PLS1: variants seen among roughly 807,000 people sequenced by gnomAD.
PLS1 encodes the protein plastin-1.
In PLS1, 32 loss-of-function variants were observed where a neutral mutation model predicts 73.7. That is an observed-to-expected ratio of 0.43 (90% CI 0.33 to 0.58). The LOEUF is 0.58. Among genes scored for constraint, PLS1 ranks in the 20% least tolerant of loss-of-function variants. The pLI is 0.04. For missense variants in PLS1, 633 were observed against 740.5 expected (o/e 0.85, Z 1.68); for synonymous variants, 217 against 261.3 (o/e 0.83, Z 1.63).
At chr3:142,701,184 T>A (rs2038324898) in intron 12 of PLS1, among the ~76,000 whole-genome samples, 1 of 152,244 alleles carries the variant, frequency 6.6e-6, no homozygotes, top group South Asian at 2.1e-4. Context: ...GTTCTTCATC[T>A]TTTAGCCTGA....
chr3:142,627,616 G>A (rs977772111), intron 1 of PLS1, among the ~76,000 whole-genome samples: 1 of 151,906 alleles, frequency 6.6e-6, no homozygotes, highest in African/African-American at 2.4e-5. Flanking sequence ...TGCTTTTTAT[G>A]AGGCACAGCT....
At chr3:142,695,938 GC>G (rs1196111926) in intron 11 of PLS1, among the ~76,000 whole-genome samples, 1 of 152,048 alleles carries the variant, frequency 6.6e-6, no homozygotes, top group Non-Finnish European at 1.5e-5. Context: ...GGGATTACAG[GC>G]ATGTGCCACC....
intron 10 of PLS1, among the ~76,000 whole-genome samples, chr3:142,692,355 A>G (rs2038101625): frequency 6.6e-6 from 1 of 152,120 alleles, no homozygotes; most frequent in African/African-American, 2.4e-5. Flanking sequence ...TTGAAATTGT[A>G]TATCAGATCT....
At chr3:142,688,605 T>A (rs2107905936) in intron 9 of PLS1, among the ~76,000 whole-genome samples, 1 of 152,318 alleles carries the variant, frequency 6.6e-6, no homozygotes, top group South Asian at 2.1e-4. Context: ...TTGTTCTGCT[T>A]TTCTTTTTAT....
At chr3:142,648,451 G>C (rs1351422575) in intron 1 of PLS1, among the ~76,000 whole-genome samples, 1 of 152,164 alleles carries the variant, frequency 6.6e-6, no homozygotes, top group Non-Finnish European at 1.5e-5. Flanking sequence ...AACTAAAAAA[G>C]ACGAGAAAAT....
chr3:142,669,514 C>T lies in PLS1; in HGVS notation c.195C>T (p.Ser65=). 6.2e-7 allele frequency: 1 copy of T among 1,613,212 alleles called. No homozygotes were observed. Among genetic ancestry groups the T allele is most frequent in the Non-Finnish European group, 8.5e-7 (1 of 1,179,496 alleles). Residue 65 remains serine, a synonymous_variant, in exon 3 of 16, where the codon AGC becomes AGT. Transcript: ENST00000457734. ...IVEKILSVAD[S]NKDGKISFEE... ...AGAAAATTCTATCAGTTGCTGACAG[C>T]AACAAAGATGGCAAAATCAGTTTTG...
intron 10 of PLS1, among the ~76,000 whole-genome samples, chr3:142,693,325 T>C (rs1375709633): frequency 6.6e-6 from 1 of 152,130 alleles, no homozygotes; most frequent in Non-Finnish European, 1.5e-5. Context: ...GGTGTGCAGG[T>C]TTATACTGTC....
rs1577879473 is a variant in PLS1 at position 142,678,070 on chromosome 3, A to C, written c.536A>C (p.Glu179Ala). 1.9e-6 allele frequency: 3 copies of C among 1,555,954 alleles called. No individual in the cohort carries two copies. In the East Asian group the frequency reaches 7.2e-5, roughly 37 times the overall value. ...INLSEPDTID[E>A]RAINKKKLTP... ...TTATCTGAACCAGATACAATTGATG[A>C]AAGAGCCATCAATAAGAAAAAGCTC... is the stretch of plus-strand genomic sequence containing the variant. Residue 179 changes from glutamate to alanine, a missense_variant, in exon 6 of 16, where the codon GAA becomes GCA. Physicochemically the swap from Glu to Ala is moderately radical, Grantham distance 107. Coordinates refer to ENST00000457734, the MANE Select transcript of PLS1 (RefSeq NM_001145319.2).
intron 3 of PLS1, among the ~76,000 whole-genome samples, chr3:142,670,125 A>C (rs2037573884): frequency 6.6e-6 from 1 of 152,232 alleles, no homozygotes; most frequent in Non-Finnish European, 1.5e-5. Flanking sequence ...GCAAGGCTGG[A>C]TAACCCAGGG....
At chr3:142,609,165 A>C (rs1007845810) in intron 1 of PLS1, among the ~76,000 whole-genome samples, 11 of 152,226 alleles carry the variant, frequency 7.2e-5, no homozygotes, top group African/African-American at 2.7e-4. Context: ...ATCACAGATT[A>C]ATACAAAGTT....
At chr3:142,677,977 A>G (rs1015153932) in intron 5 of PLS1, 55 bp from the exon 6 acceptor site, 34 of 819,626 alleles carry the variant, frequency 4.1e-5, no homozygotes, top group East Asian at 5.8e-5. Flanking sequence ...TTGCAATAAT[A>G]AACTAAAAAA....
At chr3:142,650,864 G>A (rs1577838678) in intron 1 of PLS1, among the ~76,000 whole-genome samples, 2 of 152,284 alleles carry the variant, frequency 1.3e-5, no homozygotes, top group African/African-American at 4.8e-5. Context: ...GTAGGGGACA[G>A]TAGATGGGAT....
intron 1 of PLS1, among the ~76,000 whole-genome samples, chr3:142,606,001 A>G (rs1489412711): frequency 6.6e-6 from 1 of 152,228 alleles, no homozygotes. Flanking sequence ...CAAGGTTACT[A>G]TAAGCATTTC....
At chr3:142,629,543 C>G (rs373094091) in intron 1 of PLS1, among the ~76,000 whole-genome samples, 1 of 152,110 alleles carries the variant, frequency 6.6e-6, no homozygotes, top group Non-Finnish European at 1.5e-5. Context: ...ACATATTCAT[C>G]AGAATTCTGA....
intron 1 of PLS1, among the ~76,000 whole-genome samples, chr3:142,661,705 C>T (rs1489371753): frequency 2.6e-5 from 4 of 152,290 alleles, no homozygotes; most frequent in Admixed American, 2.6e-4. Context: ...AGCTTCAATT[C>T]CTATTGTTTT....
intron 2 of PLS1, among the ~76,000 whole-genome samples, chr3:142,664,532 A>C (rs2037436153): frequency 6.6e-6 from 1 of 152,184 alleles, no homozygotes; most frequent in South Asian, 2.1e-4. Flanking sequence ...ATTTCTTTGC[A>C]GAGAGTAATC....
intron 1 of PLS1, among the ~76,000 whole-genome samples, chr3:142,604,214 C>G (rs2035977963): frequency 6.6e-6 from 1 of 152,130 alleles, no homozygotes; most frequent in South Asian, 2.1e-4. Context: ...GTTAATTACA[C>G]CTTGGACCAA....
chr3:142,668,899 G>GC (rs564451910), intron 2 of PLS1, among the ~76,000 whole-genome samples: 43 of 151,546 alleles, frequency 2.8e-4, no homozygotes, highest in Admixed American at 7.3e-4. Flanking sequence ...ACTGCGCCTG[G>GC]CCCCCCCCAT....
At chr3:142,598,229 A>G (rs1293682059) in intron 1 of PLS1, among the ~76,000 whole-genome samples, 2 of 152,200 alleles carry the variant, frequency 1.3e-5, no homozygotes, top group African/African-American at 4.8e-5. Context: ...CCGACCAGGA[A>G]GTTGGCAGGT....
Sources: allele counts gnomAD v4.1 joint callset (sites outside exome capture counted in the v4.1 genomes callset), GRCh38; gene constraint gnomAD v4.1.1; transcripts MANE v1.5; gene names NCBI Gene and HGNC (gene_info 2026-07-23, HGNC 2026-07-21).